The following COL4A5 variants were observed in gnomAD, a reference collection of about 807,000 sequenced individuals.
The protein encoded by COL4A5 is collagen alpha-5(IV) chain.
Under a neutral mutation model 130.2 loss-of-function variants are expected in COL4A5, and 26 were observed. That is an observed-to-expected ratio of 0.20 (90% CI 0.15 to 0.28). COL4A5 has a LOEUF of 0.28. COL4A5 is among the 10% of genes least tolerant of loss of function. The pLI, the probability that COL4A5 is intolerant of heterozygous loss-of-function variation, is 1.00. For missense variants in COL4A5, 1,131 were observed against 1,344.3 expected, an observed-to-expected ratio of 0.84 and a Z score of 2.48; for synonymous variants, 496 against 439.6, an observed-to-expected ratio of 1.13 and a Z score of -1.60.
intron 30 of COL4A5, among the ~76,000 whole-genome samples, chrX:108,615,742 A>G (rs1483324714): frequency 9.0e-6 from 1 of 111,250 alleles, no homozygotes; most frequent in Non-Finnish European, 1.9e-5. Flanking sequence ...AGTAAAGGCC[A>G]CCTTGGGGCC....
In COL4A5 at chrX:108,632,673, C is replaced by T. The variant is rs190289684; in HGVS notation, c.3246+6324C>T. 1.8e-3 allele frequency among the ~76,000 whole-genome samples: 197 copies of T among 110,885 alleles called. 1 individual carries two copies. The highest frequency in any genetic ancestry group is 2.3e-3 in the Non-Finnish European group (121 of 52,851). ...TCATCCCTGGGATGCAAGGCTGGTT[C>T]AACATATGCAAATAAATAAACGTAA... On this transcript the variant is annotated intron_variant, in intron 36 of 52. Transcript: ENST00000328300.
intron 29 of COL4A5, among the ~76,000 whole-genome samples, chrX:108,614,443 G>C (rs1168241094): frequency 1.8e-5 from 2 of 111,640 alleles, no homozygotes; most frequent in African/African-American, 6.5e-5. Flanking sequence ...GTGACAGAGG[G>C]ACAGACAGAA....
rs141247183 is a variant in COL4A5 at position 108,606,792 on chromosome X, A to G, written c.2295A>G (p.Pro765=). The G allele has an allele frequency of 3.3e-6, 4 of 1,209,551 alleles. No individual in the cohort carries two copies. The African/African-American group carries it at 7.0e-5, about 21-fold the overall frequency. The change falls in exon 29 of 53, where the codon CCA becomes CCG. Residue 765 remains proline, a synonymous_variant. Coordinates refer to ENST00000328300, the MANE Select transcript of COL4A5 (RefSeq NM_033380.3). ...LPGPPGPPGL[P]GFKGALGPKG... Reference sequence around the variant, plus strand: ...GGCCACCTGGGCCACCAGGACTTCCAGGTTTCAAAGGAGCACTTGGTCCAA... The same window carrying G: ...GGCCACCTGGGCCACCAGGACTTCCGGGTTTCAAAGGAGCACTTGGTCCAA...
chrX:108,589,621 T>C (rs1942103355), intron 19 of COL4A5, among the ~76,000 whole-genome samples: 1 of 111,808 alleles, frequency 8.9e-6, no homozygotes, highest in Non-Finnish European at 1.9e-5. Flanking sequence ...AAAAGCTGGT[T>C]TAGCAATTCT....
At chrX:108,660,010 A>G (rs1318234083) in intron 37 of COL4A5, among the ~76,000 whole-genome samples, 1 of 110,314 alleles carries the variant, frequency 9.1e-6, no homozygotes, top group Non-Finnish European at 1.9e-5. Context: ...TATCTCCTCT[A>G]TTGGCTTTTA....
intron 1 of COL4A5, among the ~76,000 whole-genome samples, chrX:108,444,856 C>T (rs2064436983): frequency 8.9e-6 from 1 of 111,787 alleles, no homozygotes; most frequent in Admixed American, 9.5e-5. Flanking sequence ...TTTCTCTTCA[C>T]ACGTTTTGTG....
chrX:108,642,791 C>T (rs1482300322), intron 36 of COL4A5, among the ~76,000 whole-genome samples: 2 of 103,122 alleles, frequency 1.9e-5, no homozygotes, highest in Non-Finnish European at 3.9e-5. Flanking sequence ...TGAGAAGGAA[C>T]CAGAAAACCA....
At chrX:108,579,229 A>G (rs1472677802) in intron 13 of COL4A5, among the ~76,000 whole-genome samples, 1 of 111,517 alleles carries the variant, frequency 9.0e-6, no homozygotes, top group African/African-American at 3.3e-5. Context: ...GGCTCTGTAA[A>G]TTTTTCTATT....
chrX:108,454,914 A>G (rs1417537124), intron 1 of COL4A5, among the ~76,000 whole-genome samples: 1 of 111,786 alleles, frequency 8.9e-6, no homozygotes, highest in Non-Finnish European at 1.9e-5. Flanking sequence ...CGCCTGGCCT[A>G]CTTCTATGAT....
At chrX:108,678,942 G>A (rs779291718) in intron 44 of COL4A5, among the ~76,000 whole-genome samples, 2 of 110,572 alleles carry the variant, frequency 1.8e-5, no homozygotes, top group East Asian at 2.8e-4. Context: ...TCATGACCTC[G>A]ACATTTTTAA....
At chrX:108,666,379 C>A in intron 38 of COL4A5, 117 bp from the exon 39 acceptor site, 1 of 536,376 alleles carries the variant, frequency 1.9e-6, no homozygotes, top group South Asian at 2.6e-5. Flanking sequence ...ATTTTGTGAT[C>A]CAAAGGAGTG....
chrX:108,541,640 A>T (rs1287426932), intron 2 of COL4A5, among the ~76,000 whole-genome samples: 1 of 112,081 alleles, frequency 8.9e-6, no homozygotes, highest in African/African-American at 3.2e-5. Context: ...AGAGCTCAAA[A>T]AATTGCTTAT....
At chrX:108,668,563 T>C in intron 41 of COL4A5, 59 bp downstream of exon 41, 1 of 958,824 alleles carries the variant, frequency 1.0e-6, no homozygotes, top group Non-Finnish European at 1.4e-6. Flanking sequence ...TTCGTTTTGC[T>C]GGCAGGTTAT....
At chrX:108,668,525 A>G (rs773220362) in intron 41 of COL4A5, 21 bp downstream of exon 41, 1 of 1,123,138 alleles carries the variant, frequency 8.9e-7, no homozygotes, top group Non-Finnish European at 1.2e-6. Context: ...GAGTGGTAGG[A>G]GAATGGTCTA....
At chrX:108,569,432 A>G (rs1398801444) in intron 6 of COL4A5, among the ~76,000 whole-genome samples, 1 of 111,523 alleles carries the variant, frequency 9.0e-6, no homozygotes, top group Non-Finnish European at 1.9e-5. Flanking sequence ...TCTTTAGTCA[A>G]CTGTTGGATT....
intron 1 of COL4A5, among the ~76,000 whole-genome samples, chrX:108,476,519 C>CTTTT (rs55972915): frequency 3.8e-4 from 21 of 55,794 alleles, no homozygotes; most frequent in South Asian, 1.1e-3. Flanking sequence ...TCTAACTGTT[C>CTTTT]TTTTTTTTTT....
At chrX:108,678,357 A>G (rs2068350601) in intron 44 of COL4A5, among the ~76,000 whole-genome samples, 1 of 111,317 alleles carries the variant, frequency 9.0e-6, no homozygotes, top group African/African-American at 3.3e-5. Flanking sequence ...TGCCATCACT[A>G]TTCTTCCAGT....
chrX:108,501,011 G>A (rs866014517), intron 1 of COL4A5, among the ~76,000 whole-genome samples: 46 of 110,841 alleles, frequency 4.2e-4, no homozygotes, highest in South Asian at 1.2e-3. Context: ...GGTATAGGGT[G>A]AAAAAATTTG....
At chrX:108,451,011 C>T (rs1464433396) in intron 1 of COL4A5, among the ~76,000 whole-genome samples, 1 of 99,969 alleles carries the variant, frequency 1.0e-5, no homozygotes, top group African/African-American at 3.7e-5. Context: ...CACCCCTCAA[C>T]AGTCCCCAGA....
Sources: gnomAD v4.1 joint callset for allele counts (sites outside exome capture counted in the v4.1 genomes callset) on GRCh38, gnomAD v4.1.1 for gene constraint, MANE v1.5 for transcripts, NCBI Gene and HGNC (gene_info 2026-07-23, HGNC 2026-07-21) for gene names.